Variants in TBC1D14 observed in about 807,000 individuals in gnomAD.
TBC1D14 encodes TBC1 domain family member 14.
A neutral mutation model predicts 79.0 loss-of-function variants in TBC1D14; 26 were observed. That is an observed-to-expected ratio of 0.33 (90% CI 0.24 to 0.46). The LOEUF (loss-of-function observed/expected upper bound fraction) is 0.46. Among genes scored for constraint, TBC1D14 ranks in the 20% least tolerant of loss-of-function variants. The pLI is 1.00. For missense variants in TBC1D14, 769 were observed against 887.6 expected, an observed-to-expected ratio of 0.87 and a Z score of 1.70; for synonymous variants, 394 against 349.9, an observed-to-expected ratio of 1.13 and a Z score of -1.40.
At chr4:6,964,458 A>G (rs1715524858) in intron 2 of TBC1D14, among the ~76,000 whole-genome samples, 1 of 152,210 alleles carries the variant, frequency 6.6e-6, no homozygotes, top group East Asian at 1.9e-4. Context: ...CTCTTCAGCA[A>G]AATGTATACC....
At chr4:7,022,497 G>A (rs1166423687) in intron 12 of TBC1D14, among the ~76,000 whole-genome samples, 1 of 152,176 alleles carries the variant, frequency 6.6e-6, no homozygotes, top group Non-Finnish European at 1.5e-5. Flanking sequence ...CCAGCCTGAG[G>A]GTCAGGAAAT....
At chr4:6,997,808 T>C (rs1719217638) in intron 5 of TBC1D14, among the ~76,000 whole-genome samples, 1 of 152,034 alleles carries the variant, frequency 6.6e-6, no homozygotes, top group African/African-American at 2.4e-5. Context: ...ATGAGGTCCC[T>C]AAGAGCAGTC....
chr4:7,005,697 TAAA>T (rs113048318), intron 8 of TBC1D14, among the ~76,000 whole-genome samples: 2 of 142,182 alleles, frequency 1.4e-5, no homozygotes, highest in Non-Finnish European at 3.1e-5. Flanking sequence ...AGACTCCCTC[TAAA>T]AAAAAAAAAA....
At chr4:7,014,350 G>A (rs1560351386) in intron 11 of TBC1D14, 98 bp from the exon 12 acceptor site, 3 of 715,382 alleles carry the variant, frequency 4.2e-6, no homozygotes, top group Non-Finnish European at 4.8e-6. Flanking sequence ...ACAGAAGAAG[G>A]TAATTGTTAG....
chr4:7,011,546 T>C, intron 11 of TBC1D14, among the ~76,000 whole-genome samples: 1 of 147,238 alleles, frequency 6.8e-6, no homozygotes, highest in African/African-American at 2.5e-5. Context: ...GTTTTTTTTG[T>C]TTTTTTTGTT....
intron 2 of TBC1D14, among the ~76,000 whole-genome samples, chr4:6,946,712 T>C (rs1177726333): frequency 6.6e-6 from 1 of 152,170 alleles, no homozygotes; most frequent in Non-Finnish European, 1.5e-5. Flanking sequence ...ATGGTAAAAC[T>C]GAGGCTAGAG....
At chr4:6,959,388 A>G (rs1008217324) in intron 2 of TBC1D14, among the ~76,000 whole-genome samples, 1 of 152,130 alleles carries the variant, frequency 6.6e-6, no homozygotes, top group Non-Finnish European at 1.5e-5. Flanking sequence ...GTGCCTGCCA[A>G]GAGATAAAGT....
chr4:6,967,774 G>C (rs181172133), intron 3 of TBC1D14, among the ~76,000 whole-genome samples: 1 of 152,332 alleles, frequency 6.6e-6, no homozygotes, highest in Admixed American at 6.5e-5. Context: ...TGATAGTAAA[G>C]CTTTCTCCCG....
At chr4:7,015,563 T>TGCTGTGGTGAAAGGGGTTGCTGAG (rs1721198574) in intron 12 of TBC1D14, among the ~76,000 whole-genome samples, 1 of 152,158 alleles carries the variant, frequency 6.6e-6, no homozygotes, top group African/African-American at 2.4e-5. Context: ...CAGGTCTTCA[T>TGCTGTGGTGAAAGGGGTTGCTGAG]GCTGTGGTGA....
chr4:7,011,641 C>A (rs1357191350), intron 11 of TBC1D14, among the ~76,000 whole-genome samples: 2 of 152,016 alleles, frequency 1.3e-5, no homozygotes, highest in Admixed American at 1.3e-4. Flanking sequence ...ACTACGACCT[C>A]CGCTTCCTGG....
intron 3 of TBC1D14, among the ~76,000 whole-genome samples, chr4:6,979,620 A>G (rs1717178117): frequency 1.3e-5 from 2 of 152,158 alleles, no homozygotes; most frequent in Non-Finnish European, 2.9e-5. Flanking sequence ...CCCTATCTCA[A>G]AAAAAACACA....
chr4:6,991,778 C>G (rs890672980), intron 3 of TBC1D14, among the ~76,000 whole-genome samples: 5 of 152,136 alleles, frequency 3.3e-5, no homozygotes, highest in African/African-American at 1.2e-4. Flanking sequence ...TGGAGTTAAC[C>G]CAGTGTGCAC....
At chr4:6,963,843 T>C (rs575208199) in intron 2 of TBC1D14, among the ~76,000 whole-genome samples, 1 of 152,328 alleles carries the variant, frequency 6.6e-6, no homozygotes, top group South Asian at 2.1e-4. Context: ...TCACCCAGGC[T>C]TGGAGTGCAG....
At chr4:6,984,346 G>C (rs1190873572) in intron 3 of TBC1D14, among the ~76,000 whole-genome samples, 1 of 152,164 alleles carries the variant, frequency 6.6e-6, no homozygotes, top group East Asian at 1.9e-4. Context: ...TCCCATGGGA[G>C]CTTCGGCACG....
intron 2 of TBC1D14, among the ~76,000 whole-genome samples, chr4:6,943,397 T>C (rs998250858): frequency 7.9e-5 from 12 of 152,202 alleles, no homozygotes; most frequent in Non-Finnish European, 1.5e-4. Flanking sequence ...AATACCCCTC[T>C]CATTCTCTTG....
At chr4:6,990,707 C>T (rs1718400441) in intron 3 of TBC1D14, among the ~76,000 whole-genome samples, 1 of 152,302 alleles carries the variant, frequency 6.6e-6, no homozygotes, top group South Asian at 2.1e-4. Flanking sequence ...AGTGAGTGCC[C>T]AGCCATTTTA....
intron 2 of TBC1D14, among the ~76,000 whole-genome samples, chr4:6,951,681 A>AAT (rs1553858309): frequency 6.6e-6 from 1 of 152,204 alleles, no homozygotes; most frequent in African/African-American, 2.4e-5. Context: ...GCCAATAAAT[A>AAT]ATTTGTCGAA....
In TBC1D14 at chr4:6,985,685, CAAAT is replaced by C. The variant is rs774217872; in HGVS notation, c.844-8497_844-8494del. Among the ~76,000 whole-genome samples, 4 of 143,492 alleles carry C rather than the reference CAAAT, an allele frequency of 2.8e-5. No individual in the cohort carries two copies. The East Asian group carries it at 6.4e-4, about 23-fold the overall frequency. The allele number at this position is 143,492 out of a possible 152,430, so 94.1% of individuals were successfully genotyped here. A position where few individuals can be genotyped will look rare whatever the true frequency, so the allele number is the denominator to read the frequency against. ...CAGTATCGGGGCTTGAATGGAGTAA[CAAAT>C]AGCACAGGGACAGTGTCCTAGATAA... On this transcript the variant is annotated intron_variant, in intron 3 of 13. Transcript: ENST00000409757.
chr4:6,943,896 C>A (rs542684898), intron 2 of TBC1D14, among the ~76,000 whole-genome samples: 1 of 151,416 alleles, frequency 6.6e-6, no homozygotes, highest in South Asian at 2.1e-4. Flanking sequence ...CTTTTAAATT[C>A]TATGATTGTT....
Sources: gnomAD v4.1 joint callset for allele counts (sites outside exome capture counted in the v4.1 genomes callset) on GRCh38, gnomAD v4.1.1 for gene constraint, MANE v1.5 for transcripts, NCBI Gene and HGNC (gene_info 2026-07-23, HGNC 2026-07-21) for gene names.